The following A2ML1 variants were observed in gnomAD, a reference collection of about 807,000 sequenced individuals.
The protein encoded by A2ML1 is alpha-2-macroglobulin-like protein 1.
In A2ML1, 161 loss-of-function variants were observed where a neutral mutation model predicts 181.9. The ratio of observed to expected loss-of-function variants is 0.89; its 90% CI spans 0.78 to 1.01. A2ML1 has a LOEUF of 1.01. Among genes scored for constraint, A2ML1 ranks in the 50% least tolerant of loss-of-function variants. The pLI is 0.00. For missense variants in A2ML1, 1,670 were observed against 1,768.1 expected (o/e 0.94, Z 1.00); for synonymous variants, 663 against 666.8 (o/e 0.99, Z 0.09).
At chr12:8,884,680 G>A (rs924123109) in intron 7 of A2ML1, among the ~76,000 whole-genome samples, 4 of 152,180 alleles carry the variant, frequency 2.6e-5, no homozygotes, top group Non-Finnish European at 4.4e-5. Flanking sequence ...GGGACAACAG[G>A]CATGTGCCAC....
At chr12:8,854,716 C>T (rs2136897974) in intron 21 of A2ML1, 64 bp from the exon 22 acceptor site, 1 of 1,590,576 alleles carries the variant, frequency 6.3e-7, no homozygotes, top group African/African-American at 1.3e-5. Context: ...CTTCCCTTTC[C>T]TTTAGTGCCA....
chr12:8,854,710 C>G (rs1944002065), intron 21 of A2ML1, 70 bp from the exon 22 acceptor site: 2 of 1,569,582 alleles, frequency 1.3e-6, no homozygotes, highest in Admixed American at 1.7e-5. Flanking sequence ...GCCTCCCTTC[C>G]CTTTCCTTTA....
At chr12:8,873,742 G>A (rs1944705927) in intron 33 of A2ML1, among the ~76,000 whole-genome samples, 1 of 152,120 alleles carries the variant, frequency 6.6e-6, no homozygotes, top group Non-Finnish European at 1.5e-5. Context: ...CATTTGCTCA[G>A]GGACCAGATT....
At chr12:8,850,583 C>A (rs985635387) in intron 18 of A2ML1, among the ~76,000 whole-genome samples, 1 of 151,950 alleles carries the variant, frequency 6.6e-6, no homozygotes, top group Non-Finnish European at 1.5e-5. Context: ...AAATCAACAA[C>A]GACAACGACA....
intron 23 of A2ML1, 139 bp from the exon 24 acceptor site, chr12:8,857,025 C>A (rs930080863): frequency 7.8e-6 from 6 of 768,058 alleles, no homozygotes; most frequent in African/African-American, 7.0e-5. Flanking sequence ...GAATTACAGG[C>A]GTGAGCCACC....
At chr12:8,825,882 C>T (rs1019039390) in intron 3 of A2ML1, among the ~76,000 whole-genome samples, 3 of 152,038 alleles carry the variant, frequency 2.0e-5, no homozygotes, top group African/African-American at 7.2e-5. Flanking sequence ...ACACTTGTCA[C>T]CTTTGTCAAA....
intron 33 of A2ML1, among the ~76,000 whole-genome samples, chr12:8,872,362 G>A (rs1419791716): frequency 6.6e-6 from 1 of 151,688 alleles, no homozygotes; most frequent in Non-Finnish European, 1.5e-5. Context: ...CGGTGAAGTG[G>A]GTTTTAACTA....
chr12:8,868,068 A>G lies in A2ML1; in HGVS notation c.3933+11A>G, dbSNP rs748880050. 1 of 1,612,674 alleles carries G rather than the reference A, an allele frequency of 6.2e-7. No individual in the cohort carries two copies. The highest frequency in any genetic ancestry group is 8.5e-7 in the Non-Finnish European group (1 of 1,178,688). ...TGTGTCTATGTGCAGGTAAGTAGAG[A>G]TCCATGAGAATGAGCGGACATTGGG... is the stretch of plus-strand genomic sequence containing the variant. On this transcript the variant is annotated intron_variant, in intron 30 of 35. Transcript: ENST00000299698.
chr12:8,848,303 A>G (rs1378856829), intron 15 of A2ML1, among the ~76,000 whole-genome samples: 4 of 152,206 alleles, frequency 2.6e-5, no homozygotes, highest in Non-Finnish European at 4.4e-5. Context: ...CAACATGGTG[A>G]AACCCTGTCT....
In A2ML1 at chr12:8,847,613, C is replaced by T; in HGVS notation, c.1748C>T (p.Ala583Val). The stretch of plus-strand genomic sequence containing the variant: ...GCAGAAGTGGAGCTGCAGCTGCAGG[C>T]AGCTCCCGGATCCCTGTGTGCGCTC... The part of the protein sequence containing the change: ...PGAEVELQLQ[A>V]APGSLCALRA... The change falls in exon 15 of 36, where the codon GCA becomes GTA. Residue 583 changes from alanine (A) to valine (V), a missense_variant. By Grantham distance (64) the Ala-to-Val change is moderately conservative. Transcript: ENST00000299698. 2 of 1,613,630 alleles carry T rather than the reference C, an allele frequency of 1.2e-6. No individual in the cohort carries two copies. The highest frequency in any genetic ancestry group is 4.5e-5 in the East Asian group (2 of 44,786).
intron 3 of A2ML1, among the ~76,000 whole-genome samples, chr12:8,829,430 A>G (rs904742788): frequency 2.6e-5 from 4 of 152,148 alleles, no homozygotes; most frequent in Non-Finnish European, 2.9e-5. Context: ...TGGGAGGCCA[A>G]GGCAGGTGGA....
In A2ML1 at chr12:8,846,082, A is replaced by G; in HGVS notation, c.1543A>G (p.Lys515Glu). 6.2e-7 allele frequency: 1 copy of G among 1,614,074 alleles called. No homozygotes were observed. Among genetic ancestry groups the G allele is most frequent in the East Asian group, 2.2e-5 (1 of 44,872 alleles). Residue 515 changes from lysine (K) to glutamate (E), a missense_variant, in exon 14 of 36, where the codon AAA (lysine) becomes GAA (glutamate). Physicochemically the swap from Lys to Glu is moderately conservative, Grantham distance 56 (BLOSUM62 1). Coordinates refer to ENST00000299698, the MANE Select transcript of A2ML1 (RefSeq NM_144670.6). ...KHLNSKKKGL[K>E]ASFSLSLTFT... is the part of the protein sequence containing the mutation. ...TATTCCCTCTTCTCTTTCAGGACTG[A>G]AAGCCTCCTTCTCTCTCTCACTGAC...
chr12:8,846,056 A>T, intron 13 of A2ML1, 21 bp from the exon 14 acceptor site: 2 of 1,613,856 alleles, frequency 1.2e-6, no homozygotes, highest in Non-Finnish European at 1.7e-6. Flanking sequence ...ATTTTCCTGT[A>T]TATTCCCTCT....
intron 7 of A2ML1, among the ~76,000 whole-genome samples, chr12:8,883,215 C>G (rs953761080): frequency 6.6e-6 from 1 of 152,034 alleles, no homozygotes; most frequent in Non-Finnish European, 1.5e-5. Context: ...TTCTGTTGAC[C>G]CTCCCATCTC....
intron 7 of A2ML1, among the ~76,000 whole-genome samples, chr12:8,883,480 T>C (rs901404226): frequency 1.3e-5 from 2 of 151,978 alleles, no homozygotes; most frequent in Admixed American, 1.3e-4. Context: ...TTCTTCTCTC[T>C]CTCTCTTTTT....
chr12:8,862,102 A>G (rs896908972), intron 28 of A2ML1, among the ~76,000 whole-genome samples: 2 of 152,220 alleles, frequency 1.3e-5, no homozygotes, highest in Non-Finnish European at 2.9e-5. Flanking sequence ...ACATTGAAGA[A>G]GCTAGTCGGA....
At chr12:8,829,190 G>A (rs1354291026) in intron 3 of A2ML1, among the ~76,000 whole-genome samples, 2 of 152,146 alleles carry the variant, frequency 1.3e-5, no homozygotes, top group East Asian at 3.9e-4. Flanking sequence ...TGTTACTGTG[G>A]GGGATGAGGA....
chr12:8,843,487 A>G (rs1943561616), intron 12 of A2ML1, 126 bp downstream of exon 12: 1 of 806,942 alleles, frequency 1.2e-6, no homozygotes, highest in African/African-American at 1.7e-5. Flanking sequence ...ACAATTTTAA[A>G]GCCACACTAA....
downstream of A2ML1, among the ~76,000 whole-genome samples, chr12:8,880,277 A>T (rs1477963043): frequency 6.6e-6 from 1 of 152,158 alleles, no homozygotes; most frequent in Non-Finnish European, 1.5e-5. Context: ...GAGGCATGAG[A>T]ATTGCTTGCA....
Sources: allele counts gnomAD v4.1 joint callset (sites outside exome capture counted in the v4.1 genomes callset), GRCh38; gene constraint gnomAD v4.1.1; transcripts MANE v1.5; gene names NCBI Gene and HGNC (gene_info 2026-07-23, HGNC 2026-07-21).